MIPEP: variants seen among roughly 807,000 people sequenced by gnomAD.
The protein encoded by MIPEP is mitochondrial intermediate peptidase.
In MIPEP, 79 loss-of-function variants were observed where a neutral mutation model predicts 90.3. That is an observed-to-expected ratio of 0.87 (90% CI 0.73 to 1.05). The LOEUF is 1.05. Among genes scored for constraint, MIPEP ranks in the 50% least tolerant of loss-of-function variants. The pLI, the probability that MIPEP is intolerant of heterozygous loss-of-function variation, is 0.00. For missense variants in MIPEP, 940 were observed against 905.6 expected, an observed-to-expected ratio of 1.04 and a Z score of -0.49; for synonymous variants, 334 against 315.8, an observed-to-expected ratio of 1.06 and a Z score of -0.61.
At chr13:23,785,118 AC>A (rs200409235) in intron 16 of MIPEP, among the ~76,000 whole-genome samples, 3,156 of 152,266 alleles carry the variant, frequency 0.021, 111 homozygotes, top group African/African-American at 0.072. Flanking sequence ...ATACCATTTG[AC>A]CCAGCCATCC....
At chr13:23,807,445 GT>G (rs1953123606) in intron 15 of MIPEP, among the ~76,000 whole-genome samples, 1 of 152,138 alleles carries the variant, frequency 6.6e-6, no homozygotes, top group Admixed American at 6.5e-5. Flanking sequence ...GTGAGGATTA[GT>G]TTGGTTAAAA....
At chr13:23,758,649 A>G (rs1340308069) in intron 17 of MIPEP, among the ~76,000 whole-genome samples, 5 of 152,254 alleles carry the variant, frequency 3.3e-5, no homozygotes, top group Non-Finnish European at 5.9e-5. Flanking sequence ...CCAAATGTCT[A>G]CAGTCTGCAA....
chr13:23,788,012 C>G lies in MIPEP; in HGVS notation c.1848+17938G>C, dbSNP rs577716638. 1.8e-4 allele frequency among the ~76,000 whole-genome samples: 28 copies of G among 152,264 alleles called. No homozygotes were observed. In the South Asian group the frequency reaches 5.0e-3, roughly 27 times the overall value. On this transcript the variant is annotated intron_variant, in intron 16 of 18. Coordinates refer to ENST00000382172, the MANE Select transcript of MIPEP (RefSeq NM_005932.4). The stretch of plus-strand genomic sequence containing the variant: ...GAATGGCCATACCACTGGGAGTCAG[C>G]TGGAGGAGGGTGGGTGTGCATATGT...
At chr13:23,810,435 A>T (rs1010023588) in intron 14 of MIPEP, among the ~76,000 whole-genome samples, 1 of 152,240 alleles carries the variant, frequency 6.6e-6, no homozygotes, top group African/African-American at 2.4e-5. Context: ...AATCTGAAAG[A>T]ACTGTAGAGC....
chr13:23,883,938 A>C (rs1255552978), intron 2 of MIPEP, among the ~76,000 whole-genome samples: 1 of 152,058 alleles, frequency 6.6e-6, no homozygotes, highest in Non-Finnish European at 1.5e-5. Context: ...CTGCAACTTC[A>C]CTCCAGGGAA....
intron 10 of MIPEP, among the ~76,000 whole-genome samples, chr13:23,849,269 G>A (rs1869693939): frequency 6.6e-6 from 1 of 152,202 alleles, no homozygotes; most frequent in East Asian, 1.9e-4. Flanking sequence ...AAAGCACCAT[G>A]GGCAGCATAT....
At chr13:23,773,970 A>G (rs895011381) in intron 16 of MIPEP, among the ~76,000 whole-genome samples, 9 of 152,214 alleles carry the variant, frequency 5.9e-5, no homozygotes, top group Non-Finnish European at 8.8e-5. Context: ...TTTATGCTTT[A>G]GGTGATGTAT....
At position 23,881,644 on chromosome 13, in the gene MIPEP, T is replaced by C. The variant is rs1228795533; in HGVS notation, c.452+55A>G. ...CAAAACTGCCTACGGCACAAGTCCA[T>C]GAAACCGGATCACCCAGGACTTGGC... On this transcript the variant is annotated intron_variant, in intron 3 of 18. Coordinates refer to ENST00000382172, the MANE Select transcript of MIPEP (RefSeq NM_005932.4). The C allele has an allele frequency of 5.5e-6, 8 of 1,454,508 alleles. No homozygotes were observed. The African/African-American group carries it at 5.6e-5, about 10-fold the overall frequency. 90.1% of individuals were successfully genotyped at this position (1,454,508 alleles called of 1,614,324 possible).
chr13:23,756,138 T>A (rs1411119885), intron 18 of MIPEP, among the ~76,000 whole-genome samples: 1 of 152,158 alleles, frequency 6.6e-6, no homozygotes, highest in Non-Finnish European at 1.5e-5. Context: ...AGCTAAGACA[T>A]TTCTTTTTTA....
At chr13:23,872,765 G>A (rs941864620) in intron 5 of MIPEP, among the ~76,000 whole-genome samples, 22 of 152,098 alleles carry the variant, frequency 1.4e-4, no homozygotes, top group Non-Finnish European at 4.4e-5. Flanking sequence ...TGTCTATGCT[G>A]GTGAAACTGA....
chr13:23,871,891 A>C (rs916277970), intron 5 of MIPEP, among the ~76,000 whole-genome samples: 1 of 152,210 alleles, frequency 6.6e-6, no homozygotes, highest in Admixed American at 6.5e-5. Flanking sequence ...ACAGTTCCAA[A>C]ATTGTCTTCA....
intron 1 of MIPEP, chr13:23,888,780 G>C: frequency 9.4e-7 from 1 of 1,058,886 alleles, no homozygotes; most frequent in Non-Finnish European, 1.1e-6. Context: ...TAGCGCTGGA[G>C]CTAAAGGGCT....
chr13:23,828,761 A>G (rs1868594547), intron 14 of MIPEP, among the ~76,000 whole-genome samples: 1 of 152,210 alleles, frequency 6.6e-6, no homozygotes, highest in Admixed American at 6.5e-5. Flanking sequence ...ATTTAATGTA[A>G]TCCCAATCAA....
chr13:23,823,595 A>T (rs1474156673), intron 14 of MIPEP, among the ~76,000 whole-genome samples: 2 of 152,202 alleles, frequency 1.3e-5, no homozygotes, highest in East Asian at 3.9e-4. Context: ...TTGGAGGGCC[A>T]AAGCTGGAGG....
chr13:23,798,900 A>T (rs1197384696), intron 16 of MIPEP, among the ~76,000 whole-genome samples: 1 of 151,846 alleles, frequency 6.6e-6, no homozygotes, highest in African/African-American at 2.4e-5. Context: ...CGTATAAATT[A>T]CCCAGTCTCA....
chr13:23,873,159 A>G (rs1304466982), intron 5 of MIPEP, among the ~76,000 whole-genome samples: 2 of 152,224 alleles, frequency 1.3e-5, no homozygotes, highest in Non-Finnish European at 2.9e-5. Flanking sequence ...TGAAGCCTTC[A>G]TGGGGACTTC....
chr13:23,811,203 T>C (rs1953167513), intron 14 of MIPEP, among the ~76,000 whole-genome samples: 1 of 152,254 alleles, frequency 6.6e-6, no homozygotes, highest in African/African-American at 2.4e-5. Context: ...GTTGACAGGA[T>C]TCATGCTACA....
At chr13:23,786,595 T>C (rs995868731) in intron 16 of MIPEP, among the ~76,000 whole-genome samples, 2 of 151,658 alleles carry the variant, frequency 1.3e-5, no homozygotes, top group African/African-American at 4.8e-5. Context: ...AACATAAACA[T>C]GGGAAAATAA....
At chr13:23,803,017 C>T (rs1305432313) in intron 16 of MIPEP, among the ~76,000 whole-genome samples, 1 of 152,034 alleles carries the variant, frequency 6.6e-6, no homozygotes, top group Non-Finnish European at 1.5e-5. Context: ...TTGACCGCAT[C>T]ATAAGTTGAG....
Sources: gnomAD v4.1 joint callset for allele counts (sites outside exome capture counted in the v4.1 genomes callset) on GRCh38, gnomAD v4.1.1 for gene constraint, MANE v1.5 for transcripts, NCBI Gene and HGNC (gene_info 2026-07-23, HGNC 2026-07-21) for gene names.